ADGRL3: variants seen among roughly 807,000 people sequenced by gnomAD.
The protein encoded by ADGRL3 is calcium-independent alpha-latrotoxin receptor 3.
A neutral mutation model predicts 153.5 loss-of-function variants in ADGRL3; 62 were observed. The ratio of observed to expected loss-of-function variants is 0.40; its 90% confidence interval spans 0.33 to 0.50. The LOEUF (loss-of-function observed/expected upper bound fraction) is 0.50. Among genes scored for constraint, ADGRL3 ranks in the 20% least tolerant of loss-of-function variants. The pLI is 0.47. For missense variants in ADGRL3, 1,641 were observed against 1,859.4 expected (o/e 0.88, Z 2.16); for synonymous variants, 710 against 672.5 (o/e 1.06, Z -0.86).
intron 4 of ADGRL3, among the ~76,000 whole-genome samples, chr4:61,573,198 G>A (rs960581516): frequency 2.0e-5 from 3 of 151,882 alleles, no homozygotes; most frequent in Non-Finnish European, 2.9e-5. Flanking sequence ...AATATAATGT[G>A]TATGTCGCTT....
At chr4:61,578,265 G>A (rs1385391199) in intron 4 of ADGRL3, among the ~76,000 whole-genome samples, 1 of 151,890 alleles carries the variant, frequency 6.6e-6, no homozygotes, top group Non-Finnish European at 1.5e-5. Flanking sequence ...CTTTGTCTAA[G>A]CCACGGTTTG....
Position 61,460,896 on chromosome 4 carries a change from C to T in ADGRL3, c.-173-36225C>T, listed in dbSNP as rs1378340175. Among the ~76,000 whole-genome samples, 6 of 152,100 alleles carry T rather than the reference C, an allele frequency of 3.9e-5. No individual in the cohort carries two copies. In the East Asian group the frequency reaches 7.8e-4, roughly 20 times the overall value. On this transcript the variant is annotated intron_variant, in intron 2 of 26. Transcript: ENST00000683033. ...CCAGCCTGGCCAACAATGGTGAAAC[C>T]CTGTCTCTACTAAAAATACAAAAAT... is the stretch of plus-strand genomic sequence containing the variant.
At chr4:61,671,947 T>C (rs2095022294) in intron 5 of ADGRL3, among the ~76,000 whole-genome samples, 1 of 152,150 alleles carries the variant, frequency 6.6e-6, no homozygotes, top group Non-Finnish European at 1.5e-5. Flanking sequence ...GGTAGCATTA[T>C]TCATCTCAGA....
chr4:62,056,964 G>A (rs187666667), intron 25 of ADGRL3, among the ~76,000 whole-genome samples: 1 of 152,062 alleles, frequency 6.6e-6, no homozygotes, highest in Non-Finnish European at 1.5e-5. Context: ...ACATCACCAA[G>A]GTTTTGAATT....
chr4:61,821,621 A>G (rs1580998814), intron 9 of ADGRL3, among the ~76,000 whole-genome samples: 1 of 152,212 alleles, frequency 6.6e-6, no homozygotes, highest in East Asian at 1.9e-4. Context: ...TAATTTATAC[A>G]TTTGCAAACT....
chr4:61,712,363 G>T (rs1228177288), intron 6 of ADGRL3, among the ~76,000 whole-genome samples: 1 of 151,912 alleles, frequency 6.6e-6, no homozygotes, highest in Non-Finnish European at 1.5e-5. Context: ...ACACTGCACT[G>T]CAGCCTAGGT....
chr4:61,470,246 C>T (rs1197933533), intron 2 of ADGRL3, among the ~76,000 whole-genome samples: 1 of 151,800 alleles, frequency 6.6e-6, no homozygotes, highest in Non-Finnish European at 1.5e-5. Context: ...AGAAATCAGT[C>T]AGAATACTAG....
chr4:61,447,022 T>A (rs1012768127), intron 2 of ADGRL3, among the ~76,000 whole-genome samples: 1 of 152,080 alleles, frequency 6.6e-6, no homozygotes, highest in Non-Finnish European at 1.5e-5. Flanking sequence ...ATTTGCTCAG[T>A]TAATTTGGAT....
At chr4:61,955,212 C>A (rs946821892) in intron 17 of ADGRL3, among the ~76,000 whole-genome samples, 4 of 152,098 alleles carry the variant, frequency 2.6e-5, no homozygotes, top group Admixed American at 6.5e-5. Flanking sequence ...TAAGAAAATA[C>A]TGAGTAACTA....
chr4:61,586,338 A>C (rs1004615581), intron 4 of ADGRL3, among the ~76,000 whole-genome samples: 18 of 152,116 alleles, frequency 1.2e-4, no homozygotes, highest in African/African-American at 4.3e-4. Context: ...CAAAAACACC[A>C]AGACCTTTCA....
chr4:61,412,842 A>AT (rs2097103610), intron 2 of ADGRL3, among the ~76,000 whole-genome samples: 1 of 152,102 alleles, frequency 6.6e-6, no homozygotes, highest in Admixed American at 6.6e-5. Context: ...GTAATTGCTC[A>AT]TTGGGAAATT....
intron 2 of ADGRL3, among the ~76,000 whole-genome samples, chr4:61,476,264 G>A (rs1373446997): frequency 3.3e-5 from 5 of 151,698 alleles, no homozygotes; most frequent in East Asian, 2.0e-4. Flanking sequence ...TCACTTTGTC[G>A]CCCAGGCTGG....
chr4:61,574,388 T>C (rs2098855587), intron 4 of ADGRL3, among the ~76,000 whole-genome samples: 1 of 151,974 alleles, frequency 6.6e-6, no homozygotes, highest in Non-Finnish European at 1.5e-5. Flanking sequence ...ACCTTACTAA[T>C]TAAGTAGAAA....
chr4:61,698,778 G>C (rs1348300854), intron 6 of ADGRL3, among the ~76,000 whole-genome samples: 1 of 152,196 alleles, frequency 6.6e-6, no homozygotes, highest in Non-Finnish European at 1.5e-5. Context: ...CTTATAAACT[G>C]AGATAATTGC....
At chr4:61,899,503 C>G (rs2098651838) in intron 11 of ADGRL3, among the ~76,000 whole-genome samples, 1 of 151,742 alleles carries the variant, frequency 6.6e-6, no homozygotes, top group South Asian at 2.1e-4. Context: ...AATGGAAACA[C>G]AGGTGAAAAA....
chr4:61,875,102 C>T (rs1421714615), intron 9 of ADGRL3, among the ~76,000 whole-genome samples: 1 of 152,124 alleles, frequency 6.6e-6, no homozygotes, highest in Non-Finnish European at 1.5e-5. Context: ...GCCACCGCGC[C>T]CGGCCCAAAA....
intron 1 of ADGRL3, among the ~76,000 whole-genome samples, chr4:61,250,616 G>C (rs754185449): frequency 6.6e-6 from 1 of 152,160 alleles, no homozygotes; most frequent in Non-Finnish European, 1.5e-5. Flanking sequence ...ACCACTTCAA[G>C]TAAATTTTCC....
chr4:61,251,066 A>G (rs1211380499), intron 1 of ADGRL3, among the ~76,000 whole-genome samples: 1 of 152,232 alleles, frequency 6.6e-6, no homozygotes, highest in Non-Finnish European at 1.5e-5. Context: ...ATCTAATGGC[A>G]TAAAACAACT....
chr4:61,682,797 A>G (rs895414180), intron 6 of ADGRL3, among the ~76,000 whole-genome samples: 3 of 152,086 alleles, frequency 2.0e-5, no homozygotes, highest in Non-Finnish European at 2.9e-5. Flanking sequence ...CAACTAGATT[A>G]TATTACTTGC....
Sources: gnomAD v4.1 joint callset for allele counts (sites outside exome capture counted in the v4.1 genomes callset) on GRCh38, gnomAD v4.1.1 for gene constraint, MANE v1.5 for transcripts, NCBI Gene and HGNC (gene_info 2026-07-23, HGNC 2026-07-21) for gene names.